The following ASIC2 variants were observed in gnomAD, a reference collection of about 807,000 sequenced individuals.
ASIC2 encodes acid sensing ion channel subunit 2.
Under a neutral mutation model 57.3 loss-of-function variants are expected in ASIC2, and 25 were observed. The observed-to-expected ratio is 0.44, with a 90% CI of 0.32 to 0.61. The LOEUF (loss-of-function observed/expected upper bound fraction) is 0.61. ASIC2 is among the 20% of genes least tolerant of loss of function. The pLI, the probability that ASIC2 is intolerant of heterozygous loss-of-function variation, is 0.06. For synonymous variants in ASIC2, 319 were observed against 307.5 expected (o/e 1.04, Z -0.39); for missense variants, 641 against 738.1 (o/e 0.87, Z 1.52).
chr17:33,886,908 A>G (rs1379291904), intron 1 of ASIC2, among the ~76,000 whole-genome samples: 9 of 152,134 alleles, frequency 5.9e-5, no homozygotes, highest in African/African-American at 1.2e-4. Context: ...CCAAATTGAG[A>G]AGCACTGAGG....
intron 1 of ASIC2, among the ~76,000 whole-genome samples, chr17:34,149,765 G>C (rs1426742238): frequency 6.6e-6 from 1 of 152,216 alleles, no homozygotes; most frequent in Non-Finnish European, 1.5e-5. Context: ...GTGGAGAAAG[G>C]TGAGCCCTTG....
At chr17:33,877,590 T>C (rs1310315722) in intron 1 of ASIC2, among the ~76,000 whole-genome samples, 3 of 151,972 alleles carry the variant, frequency 2.0e-5, no homozygotes, top group Non-Finnish European at 4.4e-5. Flanking sequence ...CAGGCTTGAG[T>C]AGGTAAACAA....
intron 1 of ASIC2, among the ~76,000 whole-genome samples, chr17:34,043,980 T>C (rs1342092682): frequency 6.6e-6 from 1 of 152,186 alleles, no homozygotes; most frequent in African/African-American, 2.4e-5. Flanking sequence ...ATTGGTGACC[T>C]TTACTATTCC....
chr17:34,090,637 A>G (rs1331416291), intron 1 of ASIC2, among the ~76,000 whole-genome samples: 2 of 152,186 alleles, frequency 1.3e-5, no homozygotes, highest in Admixed American at 6.5e-5. Flanking sequence ...TCAACCCAAG[A>G]AGGAAAAAGA....
At position 33,378,660 on chromosome 17, in the gene ASIC2, A is replaced by G. The variant is rs116780480; in HGVS notation, c.556-266593T>C. Among the ~76,000 whole-genome samples, 865 of 152,354 alleles carry G rather than the reference A, an allele frequency of 5.7e-3. 4 individuals are homozygous for G. The highest frequency in any genetic ancestry group is 0.019 in the African/African-American group (797 of 41,586). Reference sequence around the variant, plus strand: ...AGGCTTTTGGTGAGAGGTGATTTTAAAGATGCCAGTGATTGGAAATGAACT... The same window carrying G: ...AGGCTTTTGGTGAGAGGTGATTTTAGAGATGCCAGTGATTGGAAATGAACT... On this transcript the variant is annotated intron_variant, in intron 1 of 9. Transcript: ENST00000359872.
At chr17:33,705,846 G>A (rs941312773) in intron 1 of ASIC2, among the ~76,000 whole-genome samples, 2 of 152,110 alleles carry the variant, frequency 1.3e-5, no homozygotes, top group East Asian at 3.9e-4. Context: ...AAACTGGTAC[G>A]ATGTTCAAGG....
At chr17:34,108,887 C>T in intron 1 of ASIC2, among the ~76,000 whole-genome samples, 1 of 151,948 alleles carries the variant, frequency 6.6e-6, no homozygotes, top group South Asian at 2.1e-4. Context: ...TTTTTCTTAT[C>T]CATAATACTC....
intron 1 of ASIC2, among the ~76,000 whole-genome samples, chr17:33,531,938 G>C (rs1597769805): frequency 6.6e-6 from 1 of 152,248 alleles, no homozygotes; most frequent in East Asian, 1.9e-4. Context: ...CATGGAAAGG[G>C]AAAAGGTATT....
rs1906177785 is a variant in ASIC2 at position 33,631,707 on chromosome 17, G to A, written c.556-519640C>T. Among the ~76,000 whole-genome samples the A allele has an allele frequency of 2.0e-5, 3 of 152,064 alleles. No individual in the cohort carries two copies. In the South Asian group the frequency reaches 6.2e-4, roughly 32 times the overall value. On this transcript the variant is annotated intron_variant, in intron 1 of 9. Transcript: ENST00000359872. The stretch of plus-strand genomic sequence containing the variant: ...GGTGGAAGGAAATGAAGGGGAAGGG[G>A]GAGTCAAAGTCTGAGAGTCCCAAAA...
intron 1 of ASIC2, among the ~76,000 whole-genome samples, chr17:33,812,312 G>A (rs975635771): frequency 3.3e-5 from 5 of 152,078 alleles, no homozygotes; most frequent in Non-Finnish European, 5.9e-5. Context: ...ACAAGACAAC[G>A]GCTTTGAAGG....
intron 1 of ASIC2, among the ~76,000 whole-genome samples, chr17:33,750,251 A>C (rs868587539): frequency 2.0e-5 from 3 of 152,130 alleles, no homozygotes; most frequent in Non-Finnish European, 4.4e-5. Flanking sequence ...GCAGAAGACT[A>C]TCCAGGACCC....
intron 1 of ASIC2, among the ~76,000 whole-genome samples, chr17:33,685,116 G>T (rs1034060878): frequency 1.3e-5 from 2 of 152,164 alleles, no homozygotes; most frequent in African/African-American, 2.4e-5. Flanking sequence ...CCCCCTGGGG[G>T]GGCTTAGTCT....
At chr17:33,381,338 A>C (rs916019812) in intron 1 of ASIC2, among the ~76,000 whole-genome samples, 2 of 152,218 alleles carry the variant, frequency 1.3e-5, no homozygotes, top group African/African-American at 4.8e-5. Context: ...CACCAAGAGC[A>C]TGGGGGGAGG....
chr17:33,021,480 G>A (rs2091835368), intron 6 of ASIC2, among the ~76,000 whole-genome samples, 170 bp from the exon 7 acceptor site: 1 of 152,220 alleles, frequency 6.6e-6, no homozygotes, highest in South Asian at 2.1e-4. Flanking sequence ...AAGCCAAGAA[G>A]CCTGACTCCC....
At chr17:34,077,161 C>T (rs1909698372) in intron 1 of ASIC2, among the ~76,000 whole-genome samples, 1 of 152,154 alleles carries the variant, frequency 6.6e-6, no homozygotes, top group Admixed American at 6.5e-5. Flanking sequence ...CCGGTATTAC[C>T]CACAGAGCCA....
At chr17:33,395,637 G>A (rs779968057) in intron 1 of ASIC2, among the ~76,000 whole-genome samples, 13 of 152,130 alleles carry the variant, frequency 8.5e-5, no homozygotes, top group Admixed American at 2.0e-4. Flanking sequence ...TCATTCACCC[G>A]TTTATTCATT....
chr17:33,330,496 C>G (rs145816937), intron 1 of ASIC2, among the ~76,000 whole-genome samples: 3 of 152,176 alleles, frequency 2.0e-5, no homozygotes. Context: ...ATGACACCTT[C>G]GGGCTCAGTC....
intron 1 of ASIC2, among the ~76,000 whole-genome samples, chr17:33,660,560 A>G (rs1907225405): frequency 6.6e-6 from 1 of 152,214 alleles, no homozygotes; most frequent in African/African-American, 2.4e-5. Flanking sequence ...ATAATGATGA[A>G]AAGCATAGTA....
chr17:33,360,976 C>T (rs1908580829), intron 1 of ASIC2, among the ~76,000 whole-genome samples: 1 of 152,114 alleles, frequency 6.6e-6, no homozygotes, highest in African/African-American at 2.4e-5. Context: ...GTGAGCCTGC[C>T]CTGGGTTTGC....
Sources: allele counts gnomAD v4.1 joint callset (sites outside exome capture counted in the v4.1 genomes callset), GRCh38; gene constraint gnomAD v4.1.1; transcripts MANE v1.5; gene names NCBI Gene and HGNC (gene_info 2026-07-23, HGNC 2026-07-21).